PTPRK: variants seen among roughly 807,000 people sequenced by gnomAD.
PTPRK encodes the protein protein tyrosine phosphatase receptor type K.
A neutral mutation model predicts 178.0 loss-of-function variants in PTPRK; 75 were observed. The ratio of observed to expected loss-of-function variants is 0.42; its 90% CI spans 0.35 to 0.51. The LOEUF is 0.51. Ranked by LOEUF, PTPRK falls within the 20% of genes least tolerant of loss-of-function variation. The probability of loss-of-function intolerance (pLI) is 0.02; values close to 1 mark genes in which losing one functional copy is unlikely to be tolerated. For missense variants in PTPRK, 1,441 were observed against 1,797.8 expected, an observed-to-expected ratio of 0.80 and a Z score of 3.59; for synonymous variants, 637 against 620.6, an observed-to-expected ratio of 1.03 and a Z score of -0.39.
chr6:128,282,487 A>G (rs1821828875), intron 3 of PTPRK, among the ~76,000 whole-genome samples: 1 of 152,182 alleles, frequency 6.6e-6, no homozygotes, highest in Non-Finnish European at 1.5e-5. Flanking sequence ...TAACGAAAAC[A>G]AGCTATCCAA....
chr6:128,078,751 G>T, intron 11 of PTPRK, 62 bp downstream of exon 11: 4 of 1,203,194 alleles, frequency 3.3e-6, no homozygotes, highest in Non-Finnish European at 4.9e-6. Context: ...AGGCATACTT[G>T]GGCATCTTGG....
chr6:128,377,214 G>C (rs574725268), intron 2 of PTPRK, among the ~76,000 whole-genome samples: 2 of 152,278 alleles, frequency 1.3e-5, no homozygotes, highest in Non-Finnish European at 2.9e-5. Context: ...GGTAATTTAT[G>C]CAGGAAAAAG....
In PTPRK at chr6:128,025,686, G is replaced by A. The variant is rs185408677; in HGVS notation, c.2195-16418C>T. ...TCAAGGTGTCAGTAGGGTTACCCTC[G>A]CTGCTGAGGCTCTAGAAGAGAACTC... On this transcript the variant is annotated intron_variant, in intron 13 of 29. Coordinates refer to ENST00000368226, the MANE Select transcript of PTPRK (RefSeq NM_002844.4). 1.0e-3 allele frequency among the ~76,000 whole-genome samples: 159 copies of A among 152,218 alleles called. 1 individual carries two copies. Among genetic ancestry groups the A allele is most frequent in the African/African-American group, 3.4e-3 (141 of 41,524 alleles).
At chr6:128,417,997 G>A (rs1843030005) in intron 1 of PTPRK, among the ~76,000 whole-genome samples, 1 of 152,196 alleles carries the variant, frequency 6.6e-6, no homozygotes, top group African/African-American at 2.4e-5. Flanking sequence ...CTAGGTGCAA[G>A]TGAATTTATT....
chr6:128,144,722 A>C (rs531326355), intron 7 of PTPRK, among the ~76,000 whole-genome samples: 1 of 152,292 alleles, frequency 6.6e-6, no homozygotes, highest in African/African-American at 2.4e-5. Context: ...TTTACTACTG[A>C]GTTCTCAGTA....
intron 7 of PTPRK, among the ~76,000 whole-genome samples, chr6:128,115,760 T>A (rs545765580): frequency 6.6e-6 from 1 of 152,262 alleles, no homozygotes; most frequent in South Asian, 2.1e-4. Context: ...AAAACCTGAA[T>A]GTTAATGTTC....
intron 13 of PTPRK, among the ~76,000 whole-genome samples, chr6:128,012,596 GA>G (rs1027900699): frequency 2.0e-5 from 3 of 150,730 alleles, no homozygotes; most frequent in African/African-American, 7.3e-5. Context: ...TGTACAACGA[GA>G]AAAAAAACTA....
intron 1 of PTPRK, among the ~76,000 whole-genome samples, chr6:128,414,212 G>A (rs1049117591): frequency 2.6e-5 from 4 of 152,256 alleles, no homozygotes; most frequent in African/African-American, 9.6e-5. Context: ...GAACCTGAAG[G>A]AATGTCAAGA....
At chr6:128,444,005 A>C (rs1300678592) in intron 1 of PTPRK, among the ~76,000 whole-genome samples, 1 of 152,088 alleles carries the variant, frequency 6.6e-6, no homozygotes, top group African/African-American at 2.4e-5. Context: ...GGCACGTGCC[A>C]CCACACCTGG....
chr6:128,146,569 G>A (rs901696354), intron 7 of PTPRK, among the ~76,000 whole-genome samples: 12 of 151,538 alleles, frequency 7.9e-5, no homozygotes, highest in East Asian at 3.9e-4. Context: ...TCAGCCTTCC[G>A]AGTAGCTGGG....
chr6:127,975,172 C>T (rs1774380948), intron 27 of PTPRK, among the ~76,000 whole-genome samples: 1 of 152,146 alleles, frequency 6.6e-6, no homozygotes, highest in Admixed American at 6.5e-5. Context: ...AATAAATATG[C>T]TGACAAAAAT....
At chr6:128,018,112 C>T (rs1283426261) in intron 13 of PTPRK, among the ~76,000 whole-genome samples, 1 of 151,828 alleles carries the variant, frequency 6.6e-6, no homozygotes, top group Non-Finnish European at 1.5e-5. Flanking sequence ...AGCAAGTCTA[C>T]AACTCACACT....
chr6:128,208,868 C>T (rs1008395535), intron 6 of PTPRK, among the ~76,000 whole-genome samples: 1 of 152,104 alleles, frequency 6.6e-6, no homozygotes, highest in Non-Finnish European at 1.5e-5. Context: ...GCACCCCAAT[C>T]GAAAGTTTAC....
chr6:128,412,449 C>T (rs1194171212), intron 1 of PTPRK, among the ~76,000 whole-genome samples: 1 of 152,172 alleles, frequency 6.6e-6, no homozygotes, highest in African/African-American at 2.4e-5. Flanking sequence ...AGGCACCAAG[C>T]CATAGTTCAA....
At chr6:128,257,933 C>T (rs1304804443) in intron 3 of PTPRK, among the ~76,000 whole-genome samples, 1 of 152,066 alleles carries the variant, frequency 6.6e-6, no homozygotes, top group Non-Finnish European at 1.5e-5. Flanking sequence ...AGTTCCAGTT[C>T]TCAAAAATAT....
At chr6:128,189,820 C>T (rs1803449258) in intron 6 of PTPRK, among the ~76,000 whole-genome samples, 1 of 152,074 alleles carries the variant, frequency 6.6e-6, no homozygotes, top group Admixed American at 6.6e-5. Context: ...TAATTTTCTT[C>T]CCCATCACCT....
Position 128,350,537 on chromosome 6 carries a change from C to A in PTPRK, c.224-28227G>T, listed in dbSNP as rs184201479. 3.9e-3 allele frequency among the ~76,000 whole-genome samples: 589 copies of A among 152,302 alleles called. 3 individuals carry two copies. Among genetic ancestry groups the A allele is most frequent in the African/African-American group, 0.013 (549 of 41,578 alleles). On this transcript the variant is annotated intron_variant, in intron 2 of 29. Coordinates refer to ENST00000368226, the MANE Select transcript of PTPRK (RefSeq NM_002844.4). ...CAGTAATGAGTATGCTAGATCAAGG[C>A]TTCCAAACAGATGGATGAAAGGTGC...
intron 13 of PTPRK, among the ~76,000 whole-genome samples, chr6:128,047,988 C>T (rs1778353500): frequency 2.0e-5 from 3 of 152,088 alleles, no homozygotes; most frequent in Admixed American, 1.3e-4. Context: ...TAAAACAATG[C>T]CCCTAGGTAA....
At chr6:128,034,420 CTCT>C (rs1448519297) in intron 13 of PTPRK, among the ~76,000 whole-genome samples, 3 of 152,216 alleles carry the variant, frequency 2.0e-5, no homozygotes, top group African/African-American at 7.2e-5. Context: ...AATCCGTAAA[CTCT>C]TCTTTGAAGA....
Sources: gnomAD v4.1 joint callset for allele counts (sites outside exome capture counted in the v4.1 genomes callset) on GRCh38, gnomAD v4.1.1 for gene constraint, MANE v1.5 for transcripts, NCBI Gene and HGNC (gene_info 2026-07-23, HGNC 2026-07-21) for gene names.